ZFYVE28: variants seen among roughly 807,000 people sequenced by gnomAD.
ZFYVE28 encodes zinc finger FYVE-type containing 28, also known as lateral signaling target protein 2 homolog.
A neutral mutation model predicts 82.1 loss-of-function variants in ZFYVE28; 40 were observed. The ratio of observed to expected loss-of-function variants is 0.49; its 90% CI spans 0.38 to 0.63. The LOEUF is 0.63. Among genes scored for constraint, ZFYVE28 ranks in the 30% least tolerant of loss-of-function variants. The pLI, the probability that ZFYVE28 is intolerant of heterozygous loss-of-function variation, is 0.00. For synonymous variants in ZFYVE28, 612 were observed against 546.1 expected, an observed-to-expected ratio of 1.12 and a Z score of -1.68; for missense variants, 1,321 against 1,242.1, an observed-to-expected ratio of 1.06 and a Z score of -0.96.
chr4:2,377,231 C>T (rs1728251333), intron 1 of ZFYVE28, among the ~76,000 whole-genome samples: 1 of 152,138 alleles, frequency 6.6e-6, no homozygotes, highest in African/African-American at 2.4e-5. Context: ...CCGTGTTAGC[C>T]AGGATGGTCT....
chr4:2,273,547 T>C (rs1007605493), intron 9 of ZFYVE28, among the ~76,000 whole-genome samples: 3 of 152,108 alleles, frequency 2.0e-5, no homozygotes, highest in African/African-American at 7.2e-5. Flanking sequence ...GCCGCTGACA[T>C]TCACACCTTT....
chr4:2,371,183 C>G (rs765907716), intron 1 of ZFYVE28, among the ~76,000 whole-genome samples: 1 of 152,164 alleles, frequency 6.6e-6, no homozygotes, highest in Non-Finnish European at 1.5e-5. Flanking sequence ...ATGGGGTGAC[C>G]ACAGGAAAGG....
intron 9 of ZFYVE28, 86 bp downstream of exon 9, chr4:2,273,976 G>A (rs1453640720): frequency 6.8e-6 from 10 of 1,476,480 alleles, no homozygotes; most frequent in Non-Finnish European, 7.4e-6. Flanking sequence ...GTGAGGGGGA[G>A]GTTGTACACG....
In ZFYVE28 at chr4:2,408,315, T is replaced by A. The variant is rs1046376497; in HGVS notation, c.39+9970A>T. 2.6e-5 allele frequency among the ~76,000 whole-genome samples: 4 copies of A among 152,056 alleles called. No homozygotes were observed. The highest frequency in any genetic ancestry group is 5.9e-5 in the Non-Finnish European group (4 of 67,974). ...CCACACCTGCCCTTTGAGATGTGACTCTGCTACTCCCCGCACCGAGAAGTG... is the reference window on the plus strand; with the variant it reads ...CCACACCTGCCCTTTGAGATGTGACACTGCTACTCCCCGCACCGAGAAGTG... On this transcript the variant is annotated intron_variant, in intron 1 of 12. Transcript: ENST00000290974. This position sits in a 1 kb window ranked among gnomAD's most constrained non-coding sequence, Gnocchi z 4.3.
intron 1 of ZFYVE28, among the ~76,000 whole-genome samples, chr4:2,375,729 G>C (rs1418503526): frequency 3.9e-5 from 6 of 152,182 alleles, no homozygotes; most frequent in Non-Finnish European, 8.8e-5. Flanking sequence ...CCACACACAA[G>C]GGGCATCCCA....
chr4:2,407,295 A>C (rs1231268675), intron 1 of ZFYVE28, among the ~76,000 whole-genome samples: 1 of 151,870 alleles, frequency 6.6e-6, no homozygotes, highest in Non-Finnish European at 1.5e-5. Context: ...TAAGCCCAGA[A>C]CTCTACTCTG....
intron 1 of ZFYVE28, among the ~76,000 whole-genome samples, chr4:2,360,649 C>T (rs902319841): frequency 1.3e-5 from 2 of 152,074 alleles, no homozygotes; most frequent in African/African-American, 4.8e-5. Flanking sequence ...GCAGGGGTCC[C>T]AGGAAATGAA....
chr4:2,278,021 A>G (rs778794403), intron 8 of ZFYVE28, among the ~76,000 whole-genome samples: 2 of 152,170 alleles, frequency 1.3e-5, no homozygotes, highest in Non-Finnish European at 2.9e-5. Flanking sequence ...AGAAACCCAT[A>G]TGCTTATGGG....
chr4:2,332,536 G>C lies in ZFYVE28; in HGVS notation c.701+3169C>G, dbSNP rs1720874555. Among the ~76,000 whole-genome samples the C allele has an allele frequency of 6.6e-6, 1 of 152,158 alleles. No individual in the cohort carries two copies. The highest frequency in any genetic ancestry group is 2.4e-5 in the African/African-American group (1 of 41,432). Reference sequence around the variant, plus strand: ...ATCCAGAACATTCCACAGCACTGTGGGTCAGCCCATCTGTCCATCTCCCTG... The same window carrying C: ...ATCCAGAACATTCCACAGCACTGTGCGTCAGCCCATCTGTCCATCTCCCTG... On this transcript the variant is annotated intron_variant, in intron 6 of 12. Coordinates refer to ENST00000290974, the MANE Select transcript of ZFYVE28 (RefSeq NM_020972.3). The surrounding 1 kb of genome is among the most constrained non-coding windows in gnomAD (Gnocchi z 4.7).
At chr4:2,336,091 A>G (rs537845952) in intron 5 of ZFYVE28, among the ~76,000 whole-genome samples, 2 of 152,288 alleles carry the variant, frequency 1.3e-5, no homozygotes, top group East Asian at 1.9e-4. Flanking sequence ...GAGGACAGCT[A>G]TGATGCCCAG....
At chr4:2,388,062 C>T (rs965394875) in intron 1 of ZFYVE28, among the ~76,000 whole-genome samples, 4 of 152,240 alleles carry the variant, frequency 2.6e-5, no homozygotes, top group African/African-American at 9.6e-5. Context: ...CAGGAACCCA[C>T]TGAGCAGATA....
rs1217884199 is a variant in ZFYVE28, at chr4:2,372,445, C to T, written c.40-18372G>A. Among the ~76,000 whole-genome samples, 2 of 142,574 alleles carry T rather than the reference C, an allele frequency of 1.4e-5. No homozygotes were observed. Among genetic ancestry groups the T allele is most frequent in the Admixed American group, 7.1e-5 (1 of 14,024 alleles). The allele number at this position is 142,574 out of a possible 152,430, so 93.5% of individuals were successfully genotyped here. A position where few individuals can be genotyped will look rare whatever the true frequency, so the allele number is the denominator to read the frequency against. ...GGTTCCAGTGCTGGGTCTTTGGCCT[C>T]AAGGTTCACCCAACACCTGACTCAC... On this transcript the variant is annotated intron_variant, in intron 1 of 12. Transcript: ENST00000290974. The surrounding 1 kb of genome is among the most constrained non-coding windows in gnomAD (Gnocchi z 5.2).
chr4:2,299,494 C>A (rs544763141), intron 8 of ZFYVE28, among the ~76,000 whole-genome samples: 1 of 148,510 alleles, frequency 6.7e-6, no homozygotes, highest in African/African-American at 2.5e-5. Context: ...CGGCCCACAC[C>A]TGTAATCTCA....
At chr4:2,390,331 G>A (rs937240345) in intron 1 of ZFYVE28, among the ~76,000 whole-genome samples, 5 of 152,190 alleles carry the variant, frequency 3.3e-5, no homozygotes, top group Admixed American at 1.3e-4. Context: ...CAGACTCTGC[G>A]GGGGTGAATT....
intron 2 of ZFYVE28, among the ~76,000 whole-genome samples, chr4:2,350,431 T>C (rs1389244182): frequency 6.6e-5 from 10 of 150,942 alleles, no homozygotes; most frequent in African/African-American, 9.8e-5. Context: ...GCCACTGCAC[T>C]CCAGCCTGGG....
rs948987902 is a variant in ZFYVE28, at chr4:2,335,049, A to G, written c.701+656T>C. On this transcript the variant is annotated intron_variant, in intron 6 of 12. Transcript: ENST00000290974. The surrounding 1 kb of genome is among the most constrained non-coding windows in gnomAD (Gnocchi z 5.8). ...AGACGCTAAGCAGGTGACCCCGCGC[A>G]TCCTGCCTCGGTGGATTTCAGGCCT... Among the ~76,000 whole-genome samples the G allele has an allele frequency of 1.2e-4, 18 of 150,522 alleles. No homozygotes were observed. Among genetic ancestry groups the G allele is most frequent in the Admixed American group, 1.1e-3 (17 of 15,122 alleles).
intron 1 of ZFYVE28, among the ~76,000 whole-genome samples, chr4:2,383,760 G>C (rs1023527038): frequency 6.6e-6 from 1 of 152,208 alleles, no homozygotes; most frequent in Non-Finnish European, 1.5e-5. Flanking sequence ...GGATTTTCCA[G>C]CAGGCCTTCC....
chr4:2,369,853 T>TA (rs1553857181), intron 1 of ZFYVE28, among the ~76,000 whole-genome samples: 4 of 42,634 alleles, frequency 9.4e-5, no homozygotes, highest in Non-Finnish European at 2.1e-4. Context: ...TTCTTTTCTT[T>TA]TTTTTTTTTT....
intron 1 of ZFYVE28, among the ~76,000 whole-genome samples, chr4:2,411,370 A>G (rs1406082073): frequency 6.6e-6 from 1 of 152,260 alleles, no homozygotes; most frequent in Non-Finnish European, 1.5e-5. Flanking sequence ...TTACCATAAC[A>G]TAAAATGTTC....
Sources: allele counts gnomAD v4.1 joint callset (sites outside exome capture counted in the v4.1 genomes callset), GRCh38; gene constraint gnomAD v4.1.1; non-coding constraint Gnocchi (gnomAD v3.1); transcripts MANE v1.5; gene names NCBI Gene and HGNC (gene_info 2026-07-23, HGNC 2026-07-21).